ADAM9: variants seen among roughly 807,000 people sequenced by gnomAD.
The protein encoded by ADAM9 is disintegrin and metalloproteinase domain-containing protein 9.
Under a neutral mutation model 108.1 loss-of-function variants are expected in ADAM9, and 54 were observed. That is an observed-to-expected ratio of 0.50 (90% CI 0.40 to 0.63). ADAM9 has a LOEUF of 0.63. ADAM9 is among the 20% of genes least tolerant of loss of function. The probability of loss-of-function intolerance (pLI) is 0.00; values close to 1 mark genes in which losing one functional copy is unlikely to be tolerated. For missense variants in ADAM9, 830 were observed against 997.7 expected, an observed-to-expected ratio of 0.83 and a Z score of 2.26; for synonymous variants, 316 against 336.0, an observed-to-expected ratio of 0.94 and a Z score of 0.65.
intron 9 of ADAM9, 85 bp downstream of exon 9, chr8:39,023,410 C>T (rs554807956): frequency 7.2e-7 from 1 of 1,398,136 alleles, no homozygotes; most frequent in East Asian, 2.5e-5. Context: ...ATTATATTCT[C>T]TTGAGGTTTT....
chr8:39,041,217 G>A (rs1336871036), intron 11 of ADAM9, among the ~76,000 whole-genome samples: 15 of 152,036 alleles, frequency 9.9e-5, no homozygotes, highest in Admixed American at 9.8e-4. Context: ...TAGTTATTGA[G>A]TAAAGTAGTA....
At chr8:39,075,559 T>C (rs1323795387) in intron 15 of ADAM9, among the ~76,000 whole-genome samples, 1 of 152,252 alleles carries the variant, frequency 6.6e-6, no homozygotes, top group Admixed American at 6.5e-5. Context: ...GTTGGCTGTT[T>C]ACATTTCTTA....
chr8:39,046,554 C>G (rs1392494223), intron 12 of ADAM9, among the ~76,000 whole-genome samples: 1 of 152,006 alleles, frequency 6.6e-6, no homozygotes, highest in Non-Finnish European at 1.5e-5. Context: ...AGAGGAAAAG[C>G]TTTTTGTTTT....
At chr8:39,076,466 G>A (rs1253024570) in intron 15 of ADAM9, among the ~76,000 whole-genome samples, 1 of 152,184 alleles carries the variant, frequency 6.6e-6, no homozygotes. Context: ...TCAGGAGGGT[G>A]TAAATTAGAG....
At chr8:39,071,140 A>G (rs1476462171) in intron 14 of ADAM9, among the ~76,000 whole-genome samples, 158 bp from the exon 15 acceptor site, 1 of 152,226 alleles carries the variant, frequency 6.6e-6, no homozygotes, top group Non-Finnish European at 1.5e-5. Context: ...ATGTGGAACA[A>G]AAATGTATCA....
chr8:39,088,623 C>T (rs1159731622), intron 18 of ADAM9, among the ~76,000 whole-genome samples: 2 of 152,064 alleles, frequency 1.3e-5, no homozygotes, highest in Non-Finnish European at 2.9e-5. Flanking sequence ...AATCAGTTTA[C>T]CACTCCCGTT....
chr8:39,104,114 A>G lies in ADAM9; in HGVS notation c.*414A>G, dbSNP rs1253889418. 1 of 456,072 alleles carries G rather than the reference A, an allele frequency of 2.2e-6. No homozygotes were observed. Among genetic ancestry groups the G allele is most frequent in the African/African-American group, 2.0e-5 (1 of 50,112 alleles). The allele number at this position is 456,072 out of a possible 1,614,324, so 28.3% of individuals were successfully genotyped here. On this transcript the variant is annotated 3_prime_UTR_variant, in exon 22 of 22. Coordinates refer to ENST00000487273, the MANE Select transcript of ADAM9 (RefSeq NM_003816.3). ...GTAGTTCCTCATTGAACATGTGATA[A>G]TCTAATACCTGTGAAAACTGACTAA...
chr8:39,031,429 TG>T (rs945639506), intron 11 of ADAM9, among the ~76,000 whole-genome samples: 84 of 152,346 alleles, frequency 5.5e-4, no homozygotes, highest in African/African-American at 2.0e-3. Context: ...TGTCACCTTT[TG>T]CTAATAACAC....
chr8:39,073,753 T>G (rs1254643970), intron 15 of ADAM9, among the ~76,000 whole-genome samples: 1 of 152,180 alleles, frequency 6.6e-6, no homozygotes, highest in African/African-American at 2.4e-5. Context: ...TTGTCTTGTT[T>G]CATATTTTTA....
At chr8:39,036,135 G>C (rs1207281585) in intron 11 of ADAM9, among the ~76,000 whole-genome samples, 2 of 151,538 alleles carry the variant, frequency 1.3e-5, no homozygotes, top group Admixed American at 1.3e-4. Context: ...ATCTACCCTC[G>C]TAATAAGATT....
intron 12 of ADAM9, among the ~76,000 whole-genome samples, chr8:39,044,941 C>CATATGTATGTGTATATGTGTGTG (rs1564295522): frequency 5.4e-5 from 8 of 148,462 alleles, no homozygotes; most frequent in Admixed American, 1.3e-4. Context: ...TGCACACATA[C>CATATGTATGTGTATATGTGTGTG]CTATGTATGT....
chr8:39,040,901 A>G lies in ADAM9; in HGVS notation c.1131-1045A>G, dbSNP rs750966853. On this transcript the variant is annotated intron_variant, in intron 11 of 21. Transcript: ENST00000487273. ...TGGGGTAACTGGATTTCTACATGCA[A>G]AAGAATGAAATTGGACCCTTATCAT... is the stretch of plus-strand genomic sequence containing the variant. Among the ~76,000 whole-genome samples, 11 of 152,206 alleles carry G rather than the reference A, an allele frequency of 7.2e-5. 1 individual carries two copies. Among genetic ancestry groups the G allele is most frequent in the Non-Finnish European group, 1.3e-4 (9 of 68,028 alleles).
At chr8:39,015,118 A>G (rs1836484777) in intron 4 of ADAM9, 2 of 152,486 alleles carry the variant, frequency 1.3e-5, no homozygotes, top group African/African-American at 2.4e-5. Context: ...GTTTCTTGGC[A>G]TACTTTCTTC....
At chr8:39,058,391 T>C (rs529980182) in intron 14 of ADAM9, among the ~76,000 whole-genome samples, 1 of 152,354 alleles carries the variant, frequency 6.6e-6, no homozygotes, top group Admixed American at 6.5e-5. Flanking sequence ...TGTGGTTCTT[T>C]ACCTGTTAGG....
intron 21 of ADAM9, among the ~76,000 whole-genome samples, chr8:39,103,344 T>G (rs1452776526): frequency 2.6e-5 from 4 of 152,142 alleles, no homozygotes; most frequent in Non-Finnish European, 4.4e-5. Flanking sequence ...TGCTTTTTTT[T>G]TTTTTGAAAA....
At chr8:39,019,138 GA>G (rs1046801401) in intron 7 of ADAM9, among the ~76,000 whole-genome samples, 3 of 151,944 alleles carry the variant, frequency 2.0e-5, no homozygotes, top group African/African-American at 7.3e-5. Context: ...TTTTATTAAT[GA>G]TTTTTTTTTC....
At chr8:39,084,511 T>G (rs906886887) in intron 18 of ADAM9, among the ~76,000 whole-genome samples, 4 of 152,034 alleles carry the variant, frequency 2.6e-5, no homozygotes, top group Non-Finnish European at 2.9e-5. Context: ...ACCTGTGGAT[T>G]TTTTAGTTAT....
chr8:39,008,312 A>T (rs1836231689), intron 2 of ADAM9, among the ~76,000 whole-genome samples: 1 of 152,072 alleles, frequency 6.6e-6, no homozygotes, highest in Admixed American at 6.6e-5. Context: ...CTGGGACTAC[A>T]GGCATGTGCC....
intron 11 of ADAM9, among the ~76,000 whole-genome samples, chr8:39,037,592 A>AT (rs1286054551): frequency 1.3e-5 from 2 of 150,802 alleles, no homozygotes; most frequent in Non-Finnish European, 2.9e-5. Context: ...TGCCCAGCTT[A>AT]TTTTTTGTAG....
Sources: gnomAD v4.1 joint callset for allele counts (sites outside exome capture counted in the v4.1 genomes callset) on GRCh38, gnomAD v4.1.1 for gene constraint, MANE v1.5 for transcripts, NCBI Gene and HGNC (gene_info 2026-07-23, HGNC 2026-07-21) for gene names.